The following GRAMD1B variants were observed in gnomAD, a reference collection of about 807,000 sequenced individuals.
GRAMD1B encodes GRAM domain containing 1B, also known as protein Aster-B.
Under a neutral mutation model 99.7 loss-of-function variants are expected in GRAMD1B, and 37 were observed. The ratio of observed to expected loss-of-function variants is 0.37; its 90% CI spans 0.29 to 0.49. The LOEUF (loss-of-function observed/expected upper bound fraction) is 0.49. Among genes scored for constraint, GRAMD1B ranks in the 20% least tolerant of loss-of-function variants. The pLI is 0.98. For missense variants in GRAMD1B, 888 were observed against 1,009.2 expected (o/e 0.88, Z 1.63); for synonymous variants, 427 against 387.6 (o/e 1.10, Z -1.19).
rs1201046419 is a variant in GRAMD1B at position 123,461,766 on chromosome 11, G to A, written c.375-19050G>A. 6.6e-5 allele frequency among the ~76,000 whole-genome samples: 10 copies of A among 151,676 alleles called. No individual in the cohort carries two copies. In the South Asian group the frequency reaches 1.2e-3, roughly 19 times the overall value. On this transcript the variant is annotated intron_variant, in intron 1 of 19. Transcript: ENST00000635736. The stretch of plus-strand genomic sequence containing the variant: ...ATTACAGGTGTCCACCACCACACTC[G>A]GCTAATTTTTGTATTTTTAGTAGAG...
intron 4 of GRAMD1B, among the ~76,000 whole-genome samples, chr11:123,585,850 T>G (rs1197225743): frequency 2.6e-5 from 4 of 152,180 alleles, no homozygotes; most frequent in Non-Finnish European, 5.9e-5. Context: ...CTAATCTCCT[T>G]CCTCTTCTCA....
chr11:123,582,727 A>G (rs1949504046), intron 3 of GRAMD1B, among the ~76,000 whole-genome samples: 1 of 152,152 alleles, frequency 6.6e-6, no homozygotes, highest in South Asian at 2.1e-4. Context: ...GGGGAGATAG[A>G]TCACATGGCC....
At chr11:123,594,978 A>G in intron 6 of GRAMD1B, 140 bp downstream of exon 6, 1 of 632,408 alleles carries the variant, frequency 1.6e-6, no homozygotes, top group South Asian at 1.9e-5. Context: ...GTCTTGAAAG[A>G]TATTCAATTC....
chr11:123,612,055 G>A (rs1469697186), intron 14 of GRAMD1B, among the ~76,000 whole-genome samples: 1 of 152,098 alleles, frequency 6.6e-6, no homozygotes, highest in East Asian at 1.9e-4. Context: ...GGGTGCAGTG[G>A]AGAGGCAGGA....
intron 1 of GRAMD1B, among the ~76,000 whole-genome samples, chr11:123,415,713 A>T (rs567548677): frequency 1.3e-5 from 2 of 152,172 alleles, no homozygotes; most frequent in Non-Finnish European, 2.9e-5. Context: ...TGTTAAAAAG[A>T]TTTAATAGCG....
intron 1 of GRAMD1B, among the ~76,000 whole-genome samples, chr11:123,464,641 A>G (rs1950580951): frequency 6.6e-6 from 1 of 152,192 alleles, no homozygotes. Flanking sequence ...TCCAGGATCA[A>G]TGAGGGAATG....
At chr11:123,574,532 C>T (rs943516101) in intron 2 of GRAMD1B, among the ~76,000 whole-genome samples, 7 of 152,064 alleles carry the variant, frequency 4.6e-5, no homozygotes, top group Non-Finnish European at 7.4e-5. Context: ...AGGTAAAAAG[C>T]TTTGTAGAAA....
rs111547939 is a variant in GRAMD1B at position 123,487,798 on chromosome 11, G to A, written c.452+6905G>A. ...ATTTTTGTATTTTTAGTAGAGACAG[G>A]GTTTCACCATGTTGGCCAGGCTGGT... is the stretch of plus-strand genomic sequence containing the variant. On this transcript the variant is annotated intron_variant, in intron 2 of 19. Transcript: ENST00000635736. Among the ~76,000 whole-genome samples, 757 of 152,212 alleles carry A rather than the reference G, an allele frequency of 5.0e-3. 5 individuals carry two copies. The highest frequency in any genetic ancestry group is 8.5e-3 in the Non-Finnish European group (578 of 68,010).
chr11:123,503,906 A>C (rs1489287878), intron 2 of GRAMD1B, among the ~76,000 whole-genome samples: 3 of 152,210 alleles, frequency 2.0e-5, no homozygotes, highest in South Asian at 4.1e-4. Context: ...TTTCTATGAA[A>C]TAGTATTATT....
intron 1 of GRAMD1B, chr11:123,432,021 C>A: frequency 2.5e-6 from 1 of 398,606 alleles, no homozygotes; most frequent in South Asian, 1.3e-4. Context: ...ACTTTAGGGT[C>A]CTGTCTCTTA....
chr11:123,465,637 T>C (rs1440410535), intron 1 of GRAMD1B, among the ~76,000 whole-genome samples: 1 of 151,578 alleles, frequency 6.6e-6, no homozygotes, highest in Non-Finnish European at 1.5e-5. Context: ...GGTGTGGTGG[T>C]GCATACCTGT....
chr11:123,518,962 A>T (rs1941937492), intron 2 of GRAMD1B, among the ~76,000 whole-genome samples: 1 of 152,334 alleles, frequency 6.6e-6, no homozygotes, highest in Non-Finnish European at 1.5e-5. Flanking sequence ...TTTTAACTCC[A>T]GTGGCTTCAG....
intron 1 of GRAMD1B, among the ~76,000 whole-genome samples, chr11:123,361,190 G>A (rs2135674719): frequency 6.6e-6 from 1 of 152,216 alleles, no homozygotes; most frequent in East Asian, 1.9e-4. Context: ...CACCATAGTA[G>A]TCATTTGATG....
intron 1 of GRAMD1B, among the ~76,000 whole-genome samples, chr11:123,421,821 T>C (rs1178509637): frequency 6.6e-6 from 1 of 152,216 alleles, no homozygotes; most frequent in East Asian, 1.9e-4. Flanking sequence ...CTCATTTGAG[T>C]GTGCCTTATT....
chr11:123,573,277 A>G (rs1006852929), intron 2 of GRAMD1B, among the ~76,000 whole-genome samples: 1 of 152,228 alleles, frequency 6.6e-6, no homozygotes, highest in African/African-American at 2.4e-5. Flanking sequence ...CATATAGTCT[A>G]GAGTTCAGGT....
intron 2 of GRAMD1B, among the ~76,000 whole-genome samples, chr11:123,506,405 T>A (rs1187999946): frequency 6.6e-6 from 1 of 152,082 alleles, no homozygotes; most frequent in Non-Finnish European, 1.5e-5. Flanking sequence ...TTGTTTTTTT[T>A]TTTCTGTCTC....
At chr11:123,453,314 A>C (rs1296163281) in intron 1 of GRAMD1B, among the ~76,000 whole-genome samples, 4 of 151,854 alleles carry the variant, frequency 2.6e-5, no homozygotes, top group Admixed American at 6.6e-5. Context: ...ATGTATATGC[A>C]AGTATATATA....
At chr11:123,617,883 G>A (rs1402658058) in intron 17 of GRAMD1B, among the ~76,000 whole-genome samples, 1 of 152,014 alleles carries the variant, frequency 6.6e-6, no homozygotes, top group Non-Finnish European at 1.5e-5. Flanking sequence ...TCCAGCCCCT[G>A]GATGATCCTT....
At chr11:123,570,242 G>C (rs1947908862) in intron 2 of GRAMD1B, among the ~76,000 whole-genome samples, 1 of 152,036 alleles carries the variant, frequency 6.6e-6, no homozygotes, top group Non-Finnish European at 1.5e-5. Context: ...TTCATTTATT[G>C]GTGGGGGTGG....
Sources: allele counts gnomAD v4.1 joint callset (sites outside exome capture counted in the v4.1 genomes callset), GRCh38; gene constraint gnomAD v4.1.1; transcripts MANE v1.5; gene names NCBI Gene and HGNC (gene_info 2026-07-23, HGNC 2026-07-21).